The following SLAIN2 variants were observed in gnomAD, a reference collection of about 807,000 sequenced individuals.
The protein encoded by SLAIN2 is SLAIN family member 2.
SLAIN2 carries 31 observed loss-of-function variants against 56.6 expected under a neutral mutation model. That is an observed-to-expected ratio of 0.55 (90% CI 0.41 to 0.74). The LOEUF (loss-of-function observed/expected upper bound fraction) is 0.74. Ranked by LOEUF, SLAIN2 falls within the 30% of genes least tolerant of loss-of-function variation. SLAIN2 has a pLI of 0.00. For missense variants in SLAIN2, 777 were observed against 754.2 expected (o/e 1.03, Z -0.35); for synonymous variants, 317 against 284.9 (o/e 1.11, Z -1.13).
chr4:48,399,266 T>C (rs11932591), intron 6 of SLAIN2, among the ~76,000 whole-genome samples: 3,172 of 152,264 alleles, frequency 0.021, 118 homozygotes, highest in African/African-American at 0.072. Flanking sequence ...TTTTGTAGCA[T>C]TGTGAATGGG....
chr4:48,356,676 C>T (rs1715164454), intron 1 of SLAIN2, among the ~76,000 whole-genome samples: 1 of 152,102 alleles, frequency 6.6e-6, no homozygotes, highest in South Asian at 2.1e-4. Context: ...TTCCCAGGTG[C>T]ATAGTTATGG....
intron 5 of SLAIN2, among the ~76,000 whole-genome samples, chr4:48,383,382 T>A (rs938615310): frequency 1.3e-5 from 2 of 152,112 alleles, no homozygotes; most frequent in African/African-American, 4.8e-5. Context: ...TTGTTTTTGC[T>A]TTATTGTTTT....
chr4:48,414,162 A>G (rs1716936715), intron 6 of SLAIN2, among the ~76,000 whole-genome samples: 1 of 152,202 alleles, frequency 6.6e-6, no homozygotes. Flanking sequence ...TCTCCTTCAC[A>G]TTATGCCTGA....
chr4:48,386,283 A>T (rs568777526), intron 6 of SLAIN2, among the ~76,000 whole-genome samples: 1 of 152,270 alleles, frequency 6.6e-6, no homozygotes, highest in African/African-American at 2.4e-5. Flanking sequence ...TACGATTATT[A>T]CCACATTTTA....
rs6824389 is a variant in SLAIN2 at position 48,393,312 on chromosome 4, C to T, written c.1360+9528C>T. On this transcript the variant is annotated intron_variant, in intron 6 of 7. Transcript: ENST00000264313. ...AGTCACAGCTCACTGCAGCCATAAC[C>T]TCCTGGGCTCAAGCACTCCTCCCAC... is the stretch of plus-strand genomic sequence containing the variant. 9.6e-3 allele frequency among the ~76,000 whole-genome samples: 1,457 copies of T among 152,204 alleles called. 21 individuals carry two copies. The highest frequency in any genetic ancestry group is 0.033 in the African/African-American group (1,384 of 41,520).
intron 1 of SLAIN2, among the ~76,000 whole-genome samples, chr4:48,353,526 C>T (rs1429999513): frequency 6.6e-6 from 1 of 151,844 alleles, no homozygotes; most frequent in African/African-American, 2.4e-5. Context: ...ACAAAGAATC[C>T]GTGGGTTAAA....
At chr4:48,373,141 T>C (rs1291941720) in intron 2 of SLAIN2, among the ~76,000 whole-genome samples, 1 of 152,212 alleles carries the variant, frequency 6.6e-6, no homozygotes, top group Non-Finnish European at 1.5e-5. Context: ...AAAATTGTCA[T>C]AAAATTATAT....
chr4:48,359,049 A>G (rs1229354136), intron 1 of SLAIN2, among the ~76,000 whole-genome samples: 2 of 152,236 alleles, frequency 1.3e-5, no homozygotes, highest in Admixed American at 1.3e-4. Context: ...CTTTTATTAA[A>G]GTTTTTTTAA....
In SLAIN2 at chr4:48,422,743, A is replaced by G. The variant is rs949299758; in HGVS notation, c.*666A>G. ...GTAGCTCACATGTCACCACCACCAG[A>G]TAGTGTTACAGCATGTATCCATCAT... is the stretch of plus-strand genomic sequence containing the variant. On this transcript the variant is annotated 3_prime_UTR_variant, in exon 8 of 8. Coordinates refer to ENST00000264313, the MANE Select transcript of SLAIN2 (RefSeq NM_020846.2). 5 of 152,286 alleles carry G rather than the reference A, an allele frequency of 3.3e-5. No individual in the cohort carries two copies. The highest frequency in any genetic ancestry group is 9.6e-5 in the African/African-American group (4 of 41,454). 9.4% of individuals were successfully genotyped at this position (152,286 alleles called of 1,614,324 possible). A position where few individuals can be genotyped will look rare whatever the true frequency, so the allele number is the denominator to read the frequency against.
chr4:48,419,355 C>T (rs145734731), intron 6 of SLAIN2, among the ~76,000 whole-genome samples: 4,531 of 152,266 alleles, frequency 0.03, 74 homozygotes, highest in Admixed American at 0.046. Flanking sequence ...CCGCCCGCCT[C>T]GGACTCCCAA....
intron 1 of SLAIN2, among the ~76,000 whole-genome samples, chr4:48,357,275 TGTA>T (rs1175791294): frequency 2.0e-5 from 3 of 152,234 alleles, no homozygotes; most frequent in East Asian, 1.9e-4. Context: ...GATTTTTGGT[TGTA>T]GTAGTAGGTG....
At chr4:48,366,340 T>TG (rs1422261862) in intron 1 of SLAIN2, among the ~76,000 whole-genome samples, 1 of 152,254 alleles carries the variant, frequency 6.6e-6, no homozygotes, top group Non-Finnish European at 1.5e-5. Flanking sequence ...TTGATAATGT[T>TG]GCTGAAGTCT....
Position 48,341,739 on chromosome 4 carries a change from G to T in SLAIN2, c.-1G>T. 1 of 1,531,304 alleles carries T rather than the reference G, an allele frequency of 6.5e-7. No homozygotes were observed. Among genetic ancestry groups the T allele is most frequent in the Non-Finnish European group, 8.8e-7 (1 of 1,139,126 alleles). 94.9% of individuals were successfully genotyped at this position (1,531,304 alleles called of 1,614,324 possible). ...GAGGCGGCGGCGGCGGCGGGGCCGGGATGGAGGACGTTAACTCCAACGTGA... is the reference window on the plus strand; with the variant it reads ...GAGGCGGCGGCGGCGGCGGGGCCGGTATGGAGGACGTTAACTCCAACGTGA... On this transcript the variant is annotated 5_prime_UTR_variant, in exon 1 of 8. Transcript: ENST00000264313.
chr4:48,400,391 T>C (rs1247312108), intron 6 of SLAIN2, among the ~76,000 whole-genome samples: 10 of 22,116 alleles, frequency 4.5e-4, no homozygotes, highest in Non-Finnish European at 1.2e-3. Flanking sequence ...GATTCTTCTT[T>C]TTTTTTTTTT....
chr4:48,417,974 A>T (rs1218639894), intron 6 of SLAIN2, among the ~76,000 whole-genome samples: 8 of 152,102 alleles, frequency 5.3e-5, no homozygotes, highest in Non-Finnish European at 1.0e-4. Flanking sequence ...TACTGAATTC[A>T]CTTATTATTT....
In SLAIN2 at chr4:48,370,739, C is replaced by T. The variant is rs144005653; in HGVS notation, c.538+742C>T. Among the ~76,000 whole-genome samples, 46 of 152,312 alleles carry T rather than the reference C, an allele frequency of 3.0e-4. No homozygotes were observed. In the East Asian group the frequency reaches 4.8e-3, roughly 16 times the overall value. Reference sequence around the variant, plus strand: ...TGTTCATTTCTTCTTGTATTTCTCTCAGTCTGTTTTATGAAATATTCAGAT... The same window carrying T: ...TGTTCATTTCTTCTTGTATTTCTCTTAGTCTGTTTTATGAAATATTCAGAT... On this transcript the variant is annotated intron_variant, in intron 2 of 7. Coordinates refer to ENST00000264313, the MANE Select transcript of SLAIN2 (RefSeq NM_020846.2).
intron 6 of SLAIN2, among the ~76,000 whole-genome samples, chr4:48,414,540 T>C (rs995990161): frequency 1.4e-5 from 2 of 140,314 alleles, no homozygotes; most frequent in Admixed American, 7.5e-5. Context: ...AGCAATGCAA[T>C]TGGTGTGGTA....
At chr4:48,355,815 T>A (rs1715141917) in intron 1 of SLAIN2, among the ~76,000 whole-genome samples, 1 of 151,960 alleles carries the variant, frequency 6.6e-6, no homozygotes, top group Admixed American at 6.6e-5. Context: ...TATATTTTTC[T>A]CATTCTTACC....
intron 1 of SLAIN2, among the ~76,000 whole-genome samples, chr4:48,352,245 A>G (rs1056723490): frequency 1.3e-5 from 2 of 152,232 alleles, no homozygotes; most frequent in Non-Finnish European, 2.9e-5. Flanking sequence ...GCCCTGAAGT[A>G]TTCAAACCAA....
Sources: allele counts gnomAD v4.1 joint callset (sites outside exome capture counted in the v4.1 genomes callset), GRCh38; gene constraint gnomAD v4.1.1; transcripts MANE v1.5; gene names NCBI Gene and HGNC (gene_info 2026-07-23, HGNC 2026-07-21).